TTLL11: variants seen among roughly 807,000 people sequenced by gnomAD.
The protein encoded by TTLL11 is tubulin polyglutamylase TTLL11.
A neutral mutation model predicts 51.7 loss-of-function variants in TTLL11; 42 were observed. The ratio of observed to expected loss-of-function variants is 0.81; its 90% CI spans 0.64 to 1.05. The LOEUF (loss-of-function observed/expected upper bound fraction) is 1.05, where lower values mean the gene tolerates loss of function less well. Among genes scored for constraint, TTLL11 ranks in the 50% least tolerant of loss-of-function variants. The pLI, the probability that TTLL11 is intolerant of heterozygous loss-of-function variation, is 0.00. For missense variants in TTLL11, 799 were observed against 940.4 expected (o/e 0.85, Z 1.97); for synonymous variants, 381 against 383.5 (o/e 0.99, Z 0.08).
intron 8 of TTLL11, among the ~76,000 whole-genome samples, chr9:121,832,223 T>G (rs772081142): frequency 1.2e-4 from 18 of 152,194 alleles, no homozygotes; most frequent in Non-Finnish European, 2.1e-4. Context: ...TCAGTTCTGC[T>G]GAGGTGCACC....
chr9:121,888,502 A>G (rs915264866), intron 6 of TTLL11, among the ~76,000 whole-genome samples: 4 of 152,194 alleles, frequency 2.6e-5, no homozygotes, highest in Non-Finnish European at 5.9e-5. Context: ...CTTTGTAGAC[A>G]GGGGCTGTGT....
intron 3 of TTLL11, among the ~76,000 whole-genome samples, chr9:122,012,806 A>ATC (rs1356670382): frequency 1.3e-5 from 2 of 152,204 alleles, no homozygotes; most frequent in African/African-American, 4.8e-5. Context: ...TCATCTCAAG[A>ATC]TCAGATTTTT....
intron 6 of TTLL11, among the ~76,000 whole-genome samples, chr9:121,944,937 A>G (rs1408742077): frequency 6.6e-6 from 1 of 152,244 alleles, no homozygotes; most frequent in Non-Finnish European, 1.5e-5. Context: ...TAACAATAAC[A>G]TTCATCTCAG....
Position 121,924,704 on chromosome 9 carries a change from G to GA in TTLL11, c.1481+49304dup, listed in dbSNP as rs375808071. On this transcript the variant is annotated intron_variant, in intron 6 of 8. Coordinates refer to ENST00000321582, the MANE Select transcript of TTLL11 (RefSeq NM_001139442.2). ...AACGGGCACTTCCAGAAAGAGGAAA[G>GA]AAAAAAAAAACAGGCCCAGGCAATT... Among the ~76,000 whole-genome samples the GA allele has an allele frequency of 2.2e-3, 291 of 134,508 alleles. 1 individual carries two copies. Among genetic ancestry groups the GA allele is most frequent in the African/African-American group, 4.8e-3 (179 of 37,060 alleles). 88.2% of individuals were successfully genotyped at this position (134,508 alleles called of 152,430 possible). A position where few individuals can be genotyped will look rare whatever the true frequency, so the allele number is the denominator to read the frequency against.
At chr9:121,863,382 T>C (rs73662401) in intron 7 of TTLL11, among the ~76,000 whole-genome samples, 9,092 of 152,310 alleles carry the variant, frequency 0.06, 776 homozygotes, top group African/African-American at 0.19. Context: ...CTACCTGCTC[T>C]TCCACAAGTC....
chr9:121,990,678 C>T (rs1843086634), intron 3 of TTLL11, among the ~76,000 whole-genome samples: 2 of 152,182 alleles, frequency 1.3e-5, no homozygotes, highest in Admixed American at 1.3e-4. Flanking sequence ...CAGAGCTGAG[C>T]TAGTGCACAG....
At chr9:121,959,746 G>C (rs547305540) in intron 6 of TTLL11, among the ~76,000 whole-genome samples, 1 of 151,988 alleles carries the variant, frequency 6.6e-6, no homozygotes, top group Admixed American at 6.6e-5. Flanking sequence ...AAACCTCATC[G>C]TGTCAGCCTG....
chr9:122,016,944 C>T (rs559069325), intron 3 of TTLL11, among the ~76,000 whole-genome samples: 157 of 152,310 alleles, frequency 1.0e-3, no homozygotes, highest in African/African-American at 3.7e-3. Flanking sequence ...CGCCTCGACT[C>T]TTCACAAAAA....
At chr9:121,831,163 C>T (rs1836993389) in intron 8 of TTLL11, among the ~76,000 whole-genome samples, 1 of 152,212 alleles carries the variant, frequency 6.6e-6, no homozygotes, top group African/African-American at 2.4e-5. Context: ...AACTGGCCTT[C>T]CCCTCAAGGT....
intron 1 of TTLL11, among the ~76,000 whole-genome samples, chr9:122,060,715 A>G (rs1845413878): frequency 1.3e-5 from 2 of 152,106 alleles, no homozygotes; most frequent in African/African-American, 4.8e-5. Flanking sequence ...TCATCTGTAA[A>G]ATGGGGGGAG....
chr9:121,940,158 A>G (rs1841392462), intron 6 of TTLL11, among the ~76,000 whole-genome samples: 1 of 152,206 alleles, frequency 6.6e-6, no homozygotes, highest in African/African-American at 2.4e-5. Flanking sequence ...TCAGCTTACA[A>G]GCAAAGGGCT....
At chr9:122,054,092 A>G (rs926040700) in intron 1 of TTLL11, among the ~76,000 whole-genome samples, 1 of 149,938 alleles carries the variant, frequency 6.7e-6, no homozygotes, top group African/African-American at 2.5e-5. Context: ...ACCCCGGGTA[A>G]GCGTGCCATT....
chr9:122,003,283 A>G (rs902970298), intron 3 of TTLL11, among the ~76,000 whole-genome samples: 1 of 152,106 alleles, frequency 6.6e-6, no homozygotes, highest in African/African-American at 2.4e-5. Context: ...ATTATAATGT[A>G]CTTGGGGGAC....
intron 6 of TTLL11, among the ~76,000 whole-genome samples, chr9:121,952,776 A>T (rs756469931): frequency 3.3e-5 from 5 of 151,850 alleles, no homozygotes; most frequent in South Asian, 2.1e-4. Flanking sequence ...GTTCCCACAA[A>T]CCTGCCTGGG....
intron 3 of TTLL11, among the ~76,000 whole-genome samples, chr9:122,008,738 C>T (rs541426350): frequency 1.3e-5 from 2 of 152,314 alleles, no homozygotes; most frequent in Admixed American, 6.5e-5. Flanking sequence ...AAGAGAGATC[C>T]GCACTCCCGT....
intron 6 of TTLL11, chr9:121,885,230 C>T (rs1838966405): frequency 6.6e-6 from 1 of 152,200 alleles, no homozygotes; most frequent in Non-Finnish European, 1.5e-5. Context: ...TTGCTATTTC[C>T]ATGTTGTTAC....
chr9:121,867,276 A>G lies in TTLL11; in HGVS notation c.1733+3221T>C, dbSNP rs114927814. Among the ~76,000 whole-genome samples, 902 of 152,298 alleles carry G rather than the reference A, an allele frequency of 5.9e-3. 10 individuals are homozygous for G. Among genetic ancestry groups the G allele is most frequent in the African/African-American group, 0.02 (830 of 41,556 alleles). On this transcript the variant is annotated intron_variant, in intron 7 of 8. Transcript: ENST00000321582. Reference sequence around the variant, plus strand: ...ATGTGTATTGAGATTTTACATAGATATTTAGGATTGAAAAATCAAAAGCTC... The same window carrying G: ...ATGTGTATTGAGATTTTACATAGATGTTTAGGATTGAAAAATCAAAAGCTC...
At chr9:122,057,649 T>C (rs943902458) in intron 1 of TTLL11, among the ~76,000 whole-genome samples, 1 of 152,148 alleles carries the variant, frequency 6.6e-6, no homozygotes, top group Admixed American at 6.5e-5. Context: ...TTAATTGAAG[T>C]AAAAACATCT....
chr9:122,062,054 G>A (rs1845449228), intron 1 of TTLL11, among the ~76,000 whole-genome samples: 2 of 152,230 alleles, frequency 1.3e-5, no homozygotes, highest in Admixed American at 1.3e-4. Flanking sequence ...GAATCTGGAT[G>A]TTAAAATACT....
Sources: gnomAD v4.1 joint callset for allele counts (sites outside exome capture counted in the v4.1 genomes callset) on GRCh38, gnomAD v4.1.1 for gene constraint, MANE v1.5 for transcripts, NCBI Gene and HGNC (gene_info 2026-07-23, HGNC 2026-07-21) for gene names.